The following CYP4F2 variants were observed in gnomAD, a reference collection of about 807,000 sequenced individuals.
The protein encoded by CYP4F2 is cytochrome P450 family 4 subfamily F member 2, also known as cytochrome P450 4F2.
A neutral mutation model predicts 58.9 loss-of-function variants in CYP4F2; 58 were observed. The observed-to-expected ratio is 0.98, with a 90% CI of 0.80 to 1.23. CYP4F2 has a LOEUF of 1.23. Ranked by LOEUF, CYP4F2 falls within the 50% of genes most tolerant of loss-of-function variation. The pLI, the probability that CYP4F2 is intolerant of heterozygous loss-of-function variation, is 0.00. For synonymous variants in CYP4F2, 287 were observed against 261.1 expected (o/e 1.10, Z -0.95); for missense variants, 616 against 685.6 (o/e 0.90, Z 1.13).
intron 9 of CYP4F2, among the ~76,000 whole-genome samples, chr19:15,881,352 A>G (rs181924445): frequency 1.6e-3 from 243 of 152,334 alleles, no homozygotes; most frequent in Middle Eastern, 3.4e-3. Flanking sequence ...ACAAATATAT[A>G]CATTTGTGCA....
At chr19:15,894,796 A>T (rs2089438561) in intron 3 of CYP4F2, among the ~76,000 whole-genome samples, 1 of 152,160 alleles carries the variant, frequency 6.6e-6, no homozygotes, top group African/African-American at 2.4e-5. Context: ...ACAGGGGTCA[A>T]GGAAAGGGAC....
chr19:15,882,666 C>T (rs1433904092), intron 9 of CYP4F2, among the ~76,000 whole-genome samples: 1 of 150,796 alleles, frequency 6.6e-6, no homozygotes, highest in Non-Finnish European at 1.5e-5. Flanking sequence ...TGTATACATA[C>T]ATCATAACAT....
At chr19:15,895,437 A>G in intron 3 of CYP4F2, 69 bp downstream of exon 3, 1 of 1,451,512 alleles carries the variant, frequency 6.9e-7, no homozygotes. Flanking sequence ...CAGGGCCCAC[A>G]CAGGAGCTTG....
rs775583485 is a variant in CYP4F2 at position 15,885,968 on chromosome 19, C to T, written c.1071G>A (p.Glu357=). The T allele has an allele frequency of 1.7e-5, 28 of 1,614,100 alleles. No homozygotes were observed. Among genetic ancestry groups the T allele is most frequent in the Non-Finnish European group, 2.4e-5 (28 of 1,180,002 alleles). Residue 357 remains glutamate (E), a synonymous_variant, in exon 9 of 13, where the codon GAG becomes GAA. Coordinates refer to ENST00000221700, the MANE Select transcript of CYP4F2 (RefSeq NM_001082.5). ...HPEYQERCRQ[E]VQELLKDREP... ...CACGGTCCTTCAGAAGTTCTTGCAC[C>T]TCCTGCCGGCAGCGCTCCTGGTATT...
chr19:15,897,588 C>T lies in CYP4F2; in HGVS notation c.24G>A (p.Trp8Ter). Residue 8 changes from tryptophan to a stop codon, truncating the protein, a stop_gained, in exon 2 of 13, where the codon TGG (tryptophan) becomes TGA (stop). Transcript: ENST00000221700. LOFTEE classifies it high-confidence loss of function. MSQLSLSWLGLWPVAASP... is the reference protein window; with the variant it reads MSQLSLS The stretch of plus-strand genomic sequence containing the variant: ...ATGCTGCCACTGGCCAGAGGCCCAG[C>T]CAGGACAGGCTCAGCTGGGACATCC... 6.2e-7 allele frequency: 1 copy of T among 1,613,694 alleles called. No individual in the cohort carries two copies. The highest frequency in any genetic ancestry group is 8.5e-7 in the Non-Finnish European group (1 of 1,179,854).
chr19:15,886,533 G>A (rs1323840468), intron 7 of CYP4F2: 13 of 551,134 alleles, frequency 2.4e-5, no homozygotes, highest in Non-Finnish European at 4.1e-5. Context: ...TTCCTACTGG[G>A]AAGACTCAAT....
At chr19:15,885,259 C>T (rs2089370799) in intron 9 of CYP4F2, among the ~76,000 whole-genome samples, 1 of 152,218 alleles carries the variant, frequency 6.6e-6, no homozygotes, top group East Asian at 1.9e-4. Flanking sequence ...CTTTCTATAC[C>T]CCCTAGTCCT....
rs1399290625 is a variant in CYP4F2 at position 15,878,166 on chromosome 19, A to G, written c.*605T>C. The G allele has an allele frequency of 6.6e-6, 1 of 152,238 alleles. No homozygotes were observed. The highest frequency in any genetic ancestry group is 1.5e-5 in the Non-Finnish European group (1 of 68,054). 9.4% of individuals were successfully genotyped at this position (152,238 alleles called of 1,614,324 possible). A position where few individuals can be genotyped will look rare whatever the true frequency, so the allele number is the denominator to read the frequency against. On this transcript the variant is annotated 3_prime_UTR_variant, in exon 13 of 13. Coordinates refer to ENST00000221700, the MANE Select transcript of CYP4F2 (RefSeq NM_001082.5). The stretch of plus-strand genomic sequence containing the variant: ...GTAGAATTCACATACCACGAAATTC[A>G]CCATTTCAAAGTGTCCAATTCAATA...
chr19:15,886,760 G>T (rs1441862316), intron 7 of CYP4F2, among the ~76,000 whole-genome samples: 4 of 152,136 alleles, frequency 2.6e-5, no homozygotes, highest in Non-Finnish European at 5.9e-5. Flanking sequence ...AAGAGGATTT[G>T]TTTATGCTCC....
At chr19:15,881,382 A>G (rs144800960) in intron 9 of CYP4F2, among the ~76,000 whole-genome samples, 6 of 152,240 alleles carry the variant, frequency 3.9e-5, no homozygotes, top group Non-Finnish European at 8.8e-5. Flanking sequence ...GGCAAAAAGT[A>G]TATGAATATA....
chr19:15,880,116 A>G (rs1227397475), intron 9 of CYP4F2, among the ~76,000 whole-genome samples: 2 of 152,240 alleles, frequency 1.3e-5, no homozygotes, highest in Non-Finnish European at 2.9e-5. Context: ...AGACATGAGA[A>G]TAAGTGAAAA....
At chr19:15,885,430 G>A (rs957227122) in intron 9 of CYP4F2, among the ~76,000 whole-genome samples, 1 of 152,112 alleles carries the variant, frequency 6.6e-6, no homozygotes, top group East Asian at 1.9e-4. Context: ...CAGATGTGGG[G>A]GTGAAAATGC....
rs1568469298 is a variant in CYP4F2 at position 15,879,584 on chromosome 19, CAG to C, written c.1314+18_1314+19del. 4.3e-6 allele frequency: 7 copies of C among 1,613,644 alleles called. No individual in the cohort carries two copies. Among genetic ancestry groups the C allele is most frequent in the East Asian group, 2.2e-5 (1 of 44,876 alleles). On this transcript the variant is annotated intron_variant, in intron 11 of 12. Transcript: ENST00000221700. ...CTAGGAGCCTTGGAATGGACAAAAA[CAG>C]AGAGAGGGGCCCCGCACCTCAGGGT... is the stretch of plus-strand genomic sequence containing the variant.
At chr19:15,890,819 G>A (rs3093150) in intron 5 of CYP4F2, among the ~76,000 whole-genome samples, 7,471 of 152,238 alleles carry the variant, frequency 0.049, 201 homozygotes, top group Non-Finnish European at 0.06. Flanking sequence ...GGGTGAACTT[G>A]GGTTAGTTCC....
At chr19:15,885,810 T>A in intron 9 of CYP4F2, 114 bp downstream of exon 9, 1 of 1,479,148 alleles carries the variant, frequency 6.8e-7, no homozygotes, top group Non-Finnish European at 9.1e-7. Context: ...CTGCTCCTAT[T>A]CCCACTAGGC....
At chr19:15,892,700 G>A in intron 3 of CYP4F2, 118 bp from the exon 4 acceptor site, 1 of 1,463,434 alleles carries the variant, frequency 6.8e-7, no homozygotes, top group East Asian at 2.3e-5. Context: ...CCACATAGCA[G>A]GAAGAGGGCC....
intron 9 of CYP4F2, among the ~76,000 whole-genome samples, chr19:15,884,645 T>G (rs559309655): frequency 2.0e-5 from 3 of 152,226 alleles, no homozygotes; most frequent in Non-Finnish European, 4.4e-5. Flanking sequence ...TTGTTAAAAA[T>G]GCAGAAAAAT....
At chr19:15,889,387 T>G in intron 7 of CYP4F2, 36 bp downstream of exon 7, 2 of 1,612,968 alleles carry the variant, frequency 1.2e-6, no homozygotes, top group Non-Finnish European at 1.7e-6. Context: ...TGAAGCTCCC[T>G]TCTACTTCTT....
intron 7 of CYP4F2, among the ~76,000 whole-genome samples, chr19:15,888,589 CAT>C (rs1471860378): frequency 6.6e-6 from 1 of 152,072 alleles, no homozygotes; most frequent in Non-Finnish European, 1.5e-5. Flanking sequence ...TAAACATAGA[CAT>C]AGACACAGAT....
Sources: allele counts gnomAD v4.1 joint callset (sites outside exome capture counted in the v4.1 genomes callset), GRCh38; gene constraint gnomAD v4.1.1; transcripts MANE v1.5; gene names NCBI Gene and HGNC (gene_info 2026-07-23, HGNC 2026-07-21).